The following TASP1 variants were observed in gnomAD, a reference collection of about 807,000 sequenced individuals.
TASP1 encodes taspase 1, also known as threonine aspartase 1.
TASP1 carries 16 observed loss-of-function variants against 56.6 expected under a neutral mutation model. That is an observed-to-expected ratio of 0.28 (90% CI 0.19 to 0.43). TASP1 has a LOEUF of 0.43. Ranked by LOEUF, TASP1 falls within the 20% of genes least tolerant of loss-of-function variation. The pLI is 1.00. For synonymous variants in TASP1, 179 were observed against 184.2 expected (o/e 0.97, Z 0.23); for missense variants, 393 against 511.6 (o/e 0.77, Z 2.24).
the TASP1 span, among the ~76,000 whole-genome samples, chr20:13,248,138 T>C: frequency 6.6e-6 from 1 of 152,252 alleles, no homozygotes; most frequent in Non-Finnish European, 1.5e-5. Flanking sequence ...ACTGAGGTTG[T>C]GGCTGCCCGA....
chr20:13,342,990 A>G, the TASP1 span, among the ~76,000 whole-genome samples: 1 of 152,136 alleles, frequency 6.6e-6, no homozygotes. Flanking sequence ...GCTCTCATGT[A>G]CTTTGCTGAC....
the TASP1 span, among the ~76,000 whole-genome samples, chr20:13,285,635 G>A: frequency 1.3e-5 from 2 of 152,184 alleles, no homozygotes; most frequent in African/African-American, 2.4e-5. Flanking sequence ...TTATCCCATT[G>A]GCCAAAGCAA....
intron 8 of TASP1, among the ~76,000 whole-genome samples, chr20:13,535,878 C>G (rs2045397662): frequency 6.6e-6 from 1 of 152,168 alleles, no homozygotes; most frequent in South Asian, 2.1e-4. Flanking sequence ...AATAACCAGA[C>G]TTGCTCATTC....
chr20:13,598,208 A>G (rs1443241224), intron 4 of TASP1, among the ~76,000 whole-genome samples: 1 of 152,228 alleles, frequency 6.6e-6, no homozygotes, highest in East Asian at 1.9e-4. Context: ...AACCAAAAAA[A>G]GAGCCTGCAT....
At chr20:13,571,535 A>C (rs1478513146) in intron 6 of TASP1, among the ~76,000 whole-genome samples, 1 of 152,028 alleles carries the variant, frequency 6.6e-6, no homozygotes, top group East Asian at 1.9e-4. Flanking sequence ...CACTGCTACC[A>C]CCTTGGTCTG....
At chr20:13,269,649 CTTG>C in the TASP1 span, among the ~76,000 whole-genome samples, 1 of 152,158 alleles carries the variant, frequency 6.6e-6, no homozygotes, top group Non-Finnish European at 1.5e-5. Flanking sequence ...GCCACCTTCT[CTTG>C]TTAAGATCTT....
intron 6 of TASP1, among the ~76,000 whole-genome samples, chr20:13,574,392 C>T (rs886952499): frequency 6.6e-6 from 1 of 152,114 alleles, no homozygotes; most frequent in Non-Finnish European, 1.5e-5. Flanking sequence ...TACAAAAATA[C>T]ACAGCACCCA....
chr20:13,141,567 T>A, the TASP1 span, among the ~76,000 whole-genome samples: 1 of 152,178 alleles, frequency 6.6e-6, no homozygotes, highest in African/African-American at 2.4e-5. Flanking sequence ...ACAAGAGGCA[T>A]CTACAAAAAA....
chr20:13,220,512 A>C, the TASP1 span, among the ~76,000 whole-genome samples: 1 of 152,072 alleles, frequency 6.6e-6, no homozygotes, highest in Non-Finnish European at 1.5e-5. Context: ...TGAGCCCCCC[A>C]CAGAGGCAAG....
At chr20:13,449,444 A>G (rs533541334) in intron 11 of TASP1, among the ~76,000 whole-genome samples, 30 of 152,310 alleles carry the variant, frequency 2.0e-4, no homozygotes, top group Non-Finnish European at 4.0e-4. Flanking sequence ...CTTACTGTGC[A>G]GAAGCACATA....
the TASP1 span, among the ~76,000 whole-genome samples, chr20:13,215,114 A>G: frequency 5.3e-5 from 8 of 152,296 alleles, no homozygotes; most frequent in East Asian, 1.5e-3. Context: ...TTAATTTTTG[A>G]AAGTTTACTT....
chr20:13,196,070 T>C, the TASP1 span, among the ~76,000 whole-genome samples: 3 of 152,338 alleles, frequency 2.0e-5, no homozygotes, highest in East Asian at 5.8e-4. Flanking sequence ...ATGATAAATT[T>C]GTGGGTTTGA....
chr20:13,251,131 C>T, the TASP1 span, among the ~76,000 whole-genome samples: 1 of 152,050 alleles, frequency 6.6e-6, no homozygotes, highest in Admixed American at 6.5e-5. Flanking sequence ...GAGATCAATC[C>T]AGTCATTTTT....
chr20:13,503,395 C>T (rs535998200), intron 10 of TASP1, among the ~76,000 whole-genome samples: 1 of 152,062 alleles, frequency 6.6e-6, no homozygotes, highest in Admixed American at 6.5e-5. Flanking sequence ...AAAACAAAAG[C>T]GAATAAAAGA....
intron 10 of TASP1, among the ~76,000 whole-genome samples, chr20:13,517,978 C>T (rs2044602002): frequency 6.6e-6 from 1 of 152,084 alleles, no homozygotes; most frequent in South Asian, 2.1e-4. Flanking sequence ...CCCCCAACAA[C>T]CAAACAGTCC....
rs1033336560 is a variant in TASP1, at chr20:13,590,711, C to A, written c.283-3341G>T. Among the ~76,000 whole-genome samples, 37 of 151,730 alleles carry A rather than the reference C, an allele frequency of 2.4e-4. 1 individual carries two copies. Among genetic ancestry groups the A allele is most frequent in the Admixed American group, 8.5e-4 (13 of 15,216 alleles). On this transcript the variant is annotated intron_variant, in intron 4 of 13. Coordinates refer to ENST00000337743, the MANE Select transcript of TASP1 (RefSeq NM_017714.3). ...TGAAACCCCATCTCTACTAAAAATA[C>A]AAAAATTAGCTGGGCATGGTGGTGC...
At chr20:13,590,753 C>T (rs569905132) in intron 4 of TASP1, among the ~76,000 whole-genome samples, 4 of 152,076 alleles carry the variant, frequency 2.6e-5, no homozygotes, top group African/African-American at 7.2e-5. Context: ...GTAATCCCAG[C>T]TACTCAGGAA....
At chr20:13,333,042 G>A in the TASP1 span, among the ~76,000 whole-genome samples, 1 of 152,220 alleles carries the variant, frequency 6.6e-6, no homozygotes, top group African/African-American at 2.4e-5. Context: ...TTCTGCTTAT[G>A]TGCATGCTCC....
intron 11 of TASP1, among the ~76,000 whole-genome samples, chr20:13,451,190 C>G (rs1469395904): frequency 1.3e-5 from 2 of 152,042 alleles, no homozygotes; most frequent in African/African-American, 4.8e-5. Flanking sequence ...TTTGTTGTCC[C>G]ATTTATAAGG....
Sources: allele counts gnomAD v4.1 joint callset (sites outside exome capture counted in the v4.1 genomes callset), GRCh38; gene constraint gnomAD v4.1.1; transcripts MANE v1.5; gene names NCBI Gene and HGNC (gene_info 2026-07-23, HGNC 2026-07-21).